Variants in ABCA13 observed in about 807,000 individuals in gnomAD.
ABCA13 encodes the protein ATP binding cassette subfamily A member 13.
Under a neutral mutation model 478.7 loss-of-function variants are expected in ABCA13, and 476 were observed. That is an observed-to-expected ratio of 0.99 (90% CI 0.92 to 1.07). ABCA13 has a LOEUF of 1.07. Ranked by LOEUF, ABCA13 falls within the 50% of genes least tolerant of loss-of-function variation. The probability of loss-of-function intolerance (pLI) is 0.00; values close to 1 mark genes in which losing one functional copy is unlikely to be tolerated. For missense variants in ABCA13, 6,060 were observed against 5,910.6 expected, an observed-to-expected ratio of 1.03 and a Z score of -0.83; for synonymous variants, 2,252 against 2,158.9, an observed-to-expected ratio of 1.04 and a Z score of -1.20.
intron 52 of ABCA13, among the ~76,000 whole-genome samples, chr7:48,519,341 A>T (rs1832366178): frequency 6.6e-6 from 1 of 152,196 alleles, no homozygotes. Flanking sequence ...GCTGGGTCAA[A>T]TCGTATTTCT....
intron 6 of ABCA13, 144 bp downstream of exon 6, chr7:48,227,569 C>G (rs1010535155): frequency 3.2e-6 from 3 of 942,958 alleles, no homozygotes; most frequent in African/African-American, 3.3e-5. Context: ...GCTTCTGCAC[C>G]TCCACGAACG....
At chr7:48,587,365 T>C (rs1789289583) in intron 57 of ABCA13, 77 bp downstream of exon 57, 2 of 1,438,756 alleles carry the variant, frequency 1.4e-6, no homozygotes, top group Non-Finnish European at 1.8e-6. Context: ...TAAGGGTTTT[T>C]CTGGGAAGTA....
intron 1 of ABCA13, among the ~76,000 whole-genome samples, chr7:48,176,182 C>T (rs140562063): frequency 9.4e-4 from 143 of 152,252 alleles, no homozygotes; most frequent in African/African-American, 3.3e-3. Context: ...TTTCCTTCCC[C>T]GCCCAACTGG....
In ABCA13 at chr7:48,372,456, G is replaced by A. The variant is rs774198475; in HGVS notation, c.11092G>A (p.Val3698Ile). ...CTTTCTGCCCTACATAGTTCTATTG[G>A]TTCTACATAACCAATTAAGTTTTGT... Reference protein sequence around the residue: ...ISFLPYIVLLVLHNQLSFVNQ... With the variant: ...ISFLPYIVLLILHNQLSFVNQ... Residue 3698 changes from valine to isoleucine, a missense_variant, in exon 33 of 62, where the codon GTT becomes ATT. Val to Ile is a conservative substitution (Grantham distance 29, BLOSUM62 3). Around this residue, in one of 3 missense-constraint regions of ABCA13, gnomAD observed 4,423 missense variants for 4,309.1 expected, o/e 1.03. Coordinates refer to ENST00000435803, the MANE Select transcript of ABCA13 (RefSeq NM_152701.5). The A allele has an allele frequency of 6.3e-7, 1 of 1,593,380 alleles. No individual in the cohort carries two copies.
intron 48 of ABCA13, 98 bp from the exon 49 acceptor site, chr7:48,506,238 A>G: frequency 1.5e-6 from 2 of 1,345,726 alleles, no homozygotes. Flanking sequence ...AGCAGGATAC[A>G]TTGTGATGGC....
intron 16 of ABCA13, among the ~76,000 whole-genome samples, 174 bp downstream of exon 16, chr7:48,269,268 G>A (rs558170850): frequency 3.3e-5 from 5 of 152,258 alleles, no homozygotes; most frequent in African/African-American, 9.6e-5. Context: ...TGTGACTCAA[G>A]TATCAAGTTG....
intron 29 of ABCA13, among the ~76,000 whole-genome samples, chr7:48,346,681 T>C (rs376290051): frequency 6.6e-6 from 1 of 152,246 alleles, no homozygotes; most frequent in Admixed American, 6.5e-5. Flanking sequence ...CAGTTTATAG[T>C]GTATATATAA....
At chr7:48,264,290 C>T (rs1794586550) in intron 15 of ABCA13, among the ~76,000 whole-genome samples, 1 of 151,832 alleles carries the variant, frequency 6.6e-6, no homozygotes, top group Non-Finnish European at 1.5e-5. Flanking sequence ...AATATACTTT[C>T]TTTTCCTTAA....
rs927033719 is a variant in ABCA13 at position 48,234,269 on chromosome 7, C to G, written c.897+118C>G. On this transcript the variant is annotated intron_variant, in intron 8 of 61. Coordinates refer to ENST00000435803, the MANE Select transcript of ABCA13 (RefSeq NM_152701.5). ...GGAGAGGCAGCCAGACAGGAGAGTT[C>G]GGTCAAAACCCGAGCTCCTTACGCA... The G allele has an allele frequency of 2.8e-6, 4 of 1,415,788 alleles. No homozygotes were observed. The Admixed American group carries it at 5.0e-5, about 18-fold the overall frequency. 87.7% of individuals were successfully genotyped at this position (1,415,788 alleles called of 1,614,324 possible).
At position 48,403,753 on chromosome 7, in the gene ABCA13, A is replaced by C. The variant is rs966811269; in HGVS notation, c.11944A>C (p.Arg3982=). Reference sequence around the variant, plus strand: ...CCGAGCTCTGTCTGGAGGCCTGAAGAGGAAGCTCTCCCTTGGCATTGCTTT... The same window carrying C: ...CCGAGCTCTGTCTGGAGGCCTGAAGCGGAAGCTCTCCCTTGGCATTGCTTT... ...QTRALSGGLK[R]KLSLGIAFMG... The change falls in exon 39 of 62, where the codon AGG becomes CGG. Residue 3982 remains arginine (R), a synonymous_variant. Transcript: ENST00000435803. The C allele has an allele frequency of 3.7e-5, 59 of 1,613,890 alleles. No homozygotes were observed. Among genetic ancestry groups the C allele is most frequent in the Non-Finnish European group, 4.7e-5 (55 of 1,179,894 alleles).
At position 48,240,965 on chromosome 7, in the gene ABCA13, C is replaced by G; in HGVS notation, c.1161C>G (p.Ser387Arg). The G allele has an allele frequency of 6.2e-7, 1 of 1,613,688 alleles. No homozygotes were observed. Among genetic ancestry groups the G allele is most frequent in the South Asian group, 1.1e-5 (1 of 91,036 alleles). The change falls in exon 10 of 62, where the codon AGC (serine) becomes AGG (arginine). Residue 387 changes from serine (S) to arginine (R), a missense_variant. Physicochemically the swap from Ser to Arg is moderately radical, Grantham distance 110. Transcript: ENST00000435803. ...EALRNQFEEE[S>R]KPWKVVEALH... ...TCAGGAATCAGTTTGAAGAAGAGAG[C>G]AAGCCCTGGAAGGTGGTGGAAGCTC... is the stretch of plus-strand genomic sequence containing the variant.
At position 48,570,355 on chromosome 7, in the gene ABCA13, C is replaced by G. The variant is rs147870117; in HGVS notation, c.14355-9869C>G. Among the ~76,000 whole-genome samples the G allele has an allele frequency of 7.7e-3, 901 of 116,662 alleles. 8 individuals carry two copies. Among genetic ancestry groups the G allele is most frequent in the African/African-American group, 0.028 (850 of 30,110 alleles). 76.5% of individuals were successfully genotyped at this position (116,662 alleles called of 152,430 possible). ...TTTTTTTTTTTTTGAGATGGAGTCTCACTCTGTCGCCCAGGCTGGAGTGCA... is the reference window on the plus strand; with the variant it reads ...TTTTTTTTTTTTTGAGATGGAGTCTGACTCTGTCGCCCAGGCTGGAGTGCA... On this transcript the variant is annotated intron_variant, in intron 55 of 61. Transcript: ENST00000435803.
intron 1 of ABCA13, among the ~76,000 whole-genome samples, chr7:48,181,612 A>C (rs1795708812): frequency 6.6e-6 from 1 of 150,552 alleles, no homozygotes; most frequent in Non-Finnish European, 1.5e-5. Flanking sequence ...AAATTACTCT[A>C]TTTTACCTCC....
At position 48,399,526 on chromosome 7, in the gene ABCA13, C is replaced by A. The variant is rs62449235; in HGVS notation, c.11874-4157C>A. ...AAAGTTAACTAGTCAGAAGAGGATG[C>A]ATGGAATTGAGAGCCTGGAGAAGAT... is the stretch of plus-strand genomic sequence containing the variant. On this transcript the variant is annotated intron_variant, in intron 38 of 61. Transcript: ENST00000435803. Among the ~76,000 whole-genome samples, 880 of 152,184 alleles carry A rather than the reference C, an allele frequency of 5.8e-3. 6 individuals carry two copies. Among genetic ancestry groups the A allele is most frequent in the Non-Finnish European group, 8.1e-3 (552 of 68,014 alleles).
Position 48,276,563 on chromosome 7 carries a change from G to T in ABCA13, c.6897G>T (p.Met2299Ile). ...TCCACAAAGATGTTATTGCAGAGAT[G>T]AGGTGAGTATACTTTTGCTTTGTGT... ...KYFHKDVIAE[M>I]SFVPKDKILE... Residue 2299 changes from methionine to isoleucine, a missense_variant and splice_region_variant, in exon 17 of 62, where the codon ATG becomes ATT. This residue lies in a region of ABCA13 where 4,423 missense variants were observed against 4,309.1 expected (regional missense o/e 1.03). Coordinates refer to ENST00000435803, the MANE Select transcript of ABCA13 (RefSeq NM_152701.5). The T allele has an allele frequency of 6.2e-7, 1 of 1,610,360 alleles. No individual in the cohort carries two copies. Among genetic ancestry groups the T allele is most frequent in the South Asian group, 1.1e-5 (1 of 90,754 alleles).
Position 48,528,326 on chromosome 7 carries a change from A to G in ABCA13, c.14335A>G (p.Ile4779Val). The change falls in exon 55 of 62, where the codon ATC (isoleucine) becomes GTC (valine). Residue 4779 changes from isoleucine (I) to valine (V), a missense_variant. By Grantham distance (29) the Ile-to-Val change is conservative (BLOSUM62 3). This residue lies in a region of ABCA13 where 1,627 missense variants were observed against 1,571.0 expected (regional missense o/e 1.04). Transcript: ENST00000435803. ...GEVSLTSGHA[I>V]IRTPMGDAVD... ...AGTTTCTCTAACTTCAGGACATGCT[A>G]TCATCAGGACTCCCATGGGGTAAGA... is the stretch of plus-strand genomic sequence containing the variant. 1 of 1,565,658 alleles carries G rather than the reference A, an allele frequency of 6.4e-7. No individual in the cohort carries two copies. Among genetic ancestry groups the G allele is most frequent in the Non-Finnish European group, 8.7e-7 (1 of 1,154,004 alleles).
Position 48,288,063 on chromosome 7 carries a change from G to T in ABCA13, c.8940G>T (p.Ala2980=), listed in dbSNP as rs750609118. The change falls in exon 20 of 62, where the codon GCG becomes GCT. Residue 2980 remains alanine, a synonymous_variant. Coordinates refer to ENST00000435803, the MANE Select transcript of ABCA13 (RefSeq NM_152701.5). ...ILSAIQGVTL[A]QDHFQEIEKI... ...CTGCTATACAAGGGGTCACTTTGGC[G>T]CAGGACCACTTCCAGGTTTGTCGTC... 1 of 1,613,842 alleles carries T rather than the reference G, an allele frequency of 6.2e-7. No individual in the cohort carries two copies. The highest frequency in any genetic ancestry group is 1.1e-5 in the South Asian group (1 of 91,070).
chr7:48,415,234 A>G (rs1819814977), intron 41 of ABCA13, among the ~76,000 whole-genome samples: 1 of 152,196 alleles, frequency 6.6e-6, no homozygotes, highest in Non-Finnish European at 1.5e-5. Context: ...GGCATGAGTC[A>G]GTTTCCCTAC....
At chr7:48,231,145 A>C (rs1789010748) in intron 7 of ABCA13, among the ~76,000 whole-genome samples, 1 of 151,842 alleles carries the variant, frequency 6.6e-6, no homozygotes, top group South Asian at 2.1e-4. Flanking sequence ...CACATTCTGC[A>C]CTTGTATCCC....
Sources: allele counts gnomAD v4.1 joint callset (sites outside exome capture counted in the v4.1 genomes callset), GRCh38; gene constraint gnomAD v4.1.1; regional missense constraint gnomAD v4.1.1; transcripts MANE v1.5; gene names NCBI Gene and HGNC (gene_info 2026-07-23, HGNC 2026-07-21).